Variants in HTR4 observed in about 807,000 individuals in gnomAD.
The protein encoded by HTR4 is 5-hydroxytryptamine receptor 4.
A neutral mutation model predicts 36.8 loss-of-function variants in HTR4; 16 were observed. The ratio of observed to expected loss-of-function variants is 0.43; its 90% CI spans 0.29 to 0.66. The LOEUF is 0.66. Ranked by LOEUF, HTR4 falls within the 30% of genes least tolerant of loss-of-function variation. The probability of loss-of-function intolerance (pLI) is 0.13; values close to 1 mark genes in which losing one functional copy is unlikely to be tolerated. For synonymous variants in HTR4, 189 were observed against 185.1 expected (o/e 1.02, Z -0.17); for missense variants, 438 against 490.9 (o/e 0.89, Z 1.02).
In HTR4 at chr5:148,518,828, A is replaced by G. The variant is rs543513749; in HGVS notation, c.507+4365T>C. Reference sequence around the variant, plus strand: ...AAACACTTTTTTTCTTAGTGCTTACATGACTTACTTTTCCTCTTCCTGCAG... The same window carrying G: ...AAACACTTTTTTTCTTAGTGCTTACGTGACTTACTTTTCCTCTTCCTGCAG... On this transcript the variant is annotated intron_variant, in intron 5 of 6. Transcript: ENST00000377888. Among the ~76,000 whole-genome samples, 150 of 152,296 alleles carry G rather than the reference A, an allele frequency of 9.8e-4. 1 individual carries two copies. Among genetic ancestry groups the G allele is most frequent in the African/African-American group, 3.5e-3 (146 of 41,572 alleles).
At chr5:148,610,987 A>T (rs1371516949) in intron 2 of HTR4, among the ~76,000 whole-genome samples, 1 of 150,500 alleles carries the variant, frequency 6.6e-6, no homozygotes, top group East Asian at 2.0e-4. Context: ...AAAAAGAATA[A>T]AAAGAAATGA....
rs531872713 is a variant in HTR4, at chr5:148,516,521, T to C, written c.508-6497A>G. 5.9e-5 allele frequency among the ~76,000 whole-genome samples: 9 copies of C among 152,140 alleles called. No homozygotes were observed. In the South Asian group the frequency reaches 1.5e-3, roughly 25 times the overall value. On this transcript the variant is annotated intron_variant, in intron 5 of 6. Transcript: ENST00000377888. ...TATTAGTAGAGATGGGGTTTTACCA[T>C]ATTGGCCAGGCTGGTCTTGAACTCC...
intron 2 of HTR4, among the ~76,000 whole-genome samples, chr5:148,632,014 C>G: frequency 6.6e-6 from 1 of 152,114 alleles, no homozygotes; most frequent in East Asian, 1.9e-4. Context: ...GTACCGTCAT[C>G]AAGCCTACCA....
At position 148,481,930 on chromosome 5, in the gene HTR4, C is replaced by G; in HGVS notation, c.*1273G>C. On this transcript the variant is annotated 3_prime_UTR_variant, in exon 7 of 7. Coordinates refer to ENST00000377888, the MANE Select transcript of HTR4 (RefSeq NM_000870.7). ...GTTCCTTTGAAACAAAGCCAAAAGG[C>G]AGGCAGGCCATGGCTTCTCGAGGTA... The G allele has an allele frequency of 9.0e-7, 1 of 1,109,908 alleles. No homozygotes were observed. The highest frequency in any genetic ancestry group is 3.8e-5 in the South Asian group (1 of 26,392). The allele number at this position is 1,109,908 out of a possible 1,614,324, so 68.8% of individuals were successfully genotyped here.
chr5:148,617,217 G>T (rs1752731441), intron 2 of HTR4, among the ~76,000 whole-genome samples: 1 of 152,160 alleles, frequency 6.6e-6, no homozygotes, highest in Non-Finnish European at 1.5e-5. Flanking sequence ...GTTTACAAGT[G>T]TGTGGTCCTT....
intron 2 of HTR4, among the ~76,000 whole-genome samples, chr5:148,635,374 G>A (rs2127304897): frequency 6.6e-6 from 1 of 152,172 alleles, no homozygotes; most frequent in Non-Finnish European, 1.5e-5. Context: ...GAGAGGGGGA[G>A]TGGGTGAGGA....
chr5:148,594,641 C>T (rs1259644307), intron 2 of HTR4, among the ~76,000 whole-genome samples: 4 of 152,086 alleles, frequency 2.6e-5, no homozygotes, highest in East Asian at 3.9e-4. Context: ...CCTATCTACC[C>T]GCAACACCGA....
At chr5:148,557,168 A>T (rs893496941) in intron 2 of HTR4, among the ~76,000 whole-genome samples, 3 of 152,074 alleles carry the variant, frequency 2.0e-5, no homozygotes, top group Non-Finnish European at 4.4e-5. Flanking sequence ...AAGCAGAGTA[A>T]TGACATGGGG....
intron 5 of HTR4, among the ~76,000 whole-genome samples, chr5:148,466,231 CTCT>C (rs1251021488): frequency 1.3e-5 from 2 of 152,122 alleles, no homozygotes; most frequent in African/African-American, 2.4e-5. Context: ...GAAACTCAGC[CTCT>C]TCTTCCCTCC....
intron 2 of HTR4, among the ~76,000 whole-genome samples, chr5:148,556,487 T>C (rs897615770): frequency 6.6e-6 from 1 of 152,224 alleles, no homozygotes; most frequent in African/African-American, 2.4e-5. Flanking sequence ...GTGCCAACTA[T>C]ATACCAAGGA....
chr5:148,500,893 C>T (rs1756907982), intron 6 of HTR4, among the ~76,000 whole-genome samples: 1 of 152,042 alleles, frequency 6.6e-6, no homozygotes, highest in South Asian at 2.1e-4. Context: ...AACTCACACT[C>T]ACAGATGAGA....
At chr5:148,596,830 A>G (rs905551103) in intron 2 of HTR4, among the ~76,000 whole-genome samples, 3 of 152,198 alleles carry the variant, frequency 2.0e-5, no homozygotes, top group Admixed American at 6.5e-5. Flanking sequence ...TGACTCTATG[A>G]AAAGCACTCT....
chr5:148,523,142 C>A (rs1758101605), intron 5 of HTR4, 51 bp downstream of exon 5: 1 of 1,472,956 alleles, frequency 6.8e-7, no homozygotes, highest in Admixed American at 1.9e-5. Context: ...TTAGGAACCC[C>A]ATGCAAAGTT....
At chr5:148,470,850 A>G (rs1755550594) in intron 5 of HTR4, among the ~76,000 whole-genome samples, 1 of 151,892 alleles carries the variant, frequency 6.6e-6, no homozygotes, top group Non-Finnish European at 1.5e-5. Context: ...CACCATGACC[A>G]GCTAATTTTT....
chr5:148,486,541 T>G (rs1756168613), intron 6 of HTR4, among the ~76,000 whole-genome samples: 1 of 152,186 alleles, frequency 6.6e-6, no homozygotes, highest in Non-Finnish European at 1.5e-5. Context: ...ATTTGTTAAA[T>G]GAAGGGGAGG....
Position 148,654,279 on chromosome 5 carries a change from G to T in HTR4, c.-265C>A. 1.0e-6 allele frequency: 1 copy of T among 985,204 alleles called. No homozygotes were observed. The highest frequency in any genetic ancestry group is 1.2e-6 in the Non-Finnish European group (1 of 829,834). The allele number at this position is 985,204 out of a possible 1,614,324, so 61.0% of individuals were successfully genotyped here. A position where few individuals can be genotyped will look rare whatever the true frequency, so the allele number is the denominator to read the frequency against. On this transcript the variant is annotated 5_prime_UTR_variant, in exon 1 of 7. Transcript: ENST00000377888. ...GCTGCGGGCGCAGGACCCCAGCCCC[G>T]GATCACCTGGGCTCGCCGCGCATCG... is the stretch of plus-strand genomic sequence containing the variant.
Position 148,522,824 on chromosome 5 carries a change from C to T in HTR4, c.507+369G>A, listed in dbSNP as rs188342551. Among the ~76,000 whole-genome samples the T allele has an allele frequency of 5.2e-4, 79 of 152,056 alleles. 1 individual carries two copies. Among genetic ancestry groups the T allele is most frequent in the African/African-American group, 1.5e-3 (61 of 41,484 alleles). ...TAGCAGGGCTCTTGCTGAAGACAGG[C>T]CAAGGTGATCATACATCACCTGGGA... is the stretch of plus-strand genomic sequence containing the variant. On this transcript the variant is annotated intron_variant, in intron 5 of 6. Transcript: ENST00000377888.
intron 2 of HTR4, among the ~76,000 whole-genome samples, chr5:148,585,327 CT>C (rs1285097785): frequency 6.6e-6 from 1 of 152,138 alleles, no homozygotes; most frequent in Non-Finnish European, 1.5e-5. Flanking sequence ...ACACTCACAA[CT>C]TTATATGTAG....
intron 4 of HTR4, among the ~76,000 whole-genome samples, chr5:148,540,170 C>T (rs778369324): frequency 2.0e-5 from 3 of 151,240 alleles, no homozygotes; most frequent in African/African-American, 2.4e-5. Flanking sequence ...AGCTAAATGA[C>T]GAGAACTCAT....
Sources: gnomAD v4.1 joint callset for allele counts (sites outside exome capture counted in the v4.1 genomes callset) on GRCh38, gnomAD v4.1.1 for gene constraint, MANE v1.5 for transcripts, NCBI Gene and HGNC (gene_info 2026-07-23, HGNC 2026-07-21) for gene names.